The following HS6ST3 variants were observed in gnomAD, a reference collection of about 807,000 sequenced individuals.
HS6ST3 encodes heparan-sulfate 6-O-sulfotransferase 3.
A neutral mutation model predicts 36.7 loss-of-function variants in HS6ST3; 12 were observed. The ratio of observed to expected loss-of-function variants is 0.33; its 90% CI spans 0.21 to 0.53. The LOEUF is 0.53. HS6ST3 is among the 20% of genes least tolerant of loss of function. The pLI is 0.95. For missense variants in HS6ST3, 584 were observed against 640.9 expected, an observed-to-expected ratio of 0.91 and a Z score of 0.96; for synonymous variants, 240 against 257.5, an observed-to-expected ratio of 0.93 and a Z score of 0.65.
intron 1 of HS6ST3, among the ~76,000 whole-genome samples, chr13:96,828,028 G>A (rs556450197): frequency 2.0e-5 from 3 of 152,304 alleles, no homozygotes; most frequent in African/African-American, 7.2e-5. Flanking sequence ...CCCAGAAGCT[G>A]TGTCAGTCAC....
At chr13:96,634,854 C>G (rs947481012) in intron 1 of HS6ST3, among the ~76,000 whole-genome samples, 4 of 152,114 alleles carry the variant, frequency 2.6e-5, no homozygotes. Context: ...TCATCTACTC[C>G]CAAGGATTGT....
At chr13:96,361,215 A>G (rs539332140) in intron 1 of HS6ST3, among the ~76,000 whole-genome samples, 27 of 152,288 alleles carry the variant, frequency 1.8e-4, no homozygotes, top group African/African-American at 5.8e-4. Flanking sequence ...CCATATTGCA[A>G]ATGAAGTCCA....
At chr13:96,142,779 A>G (rs1232869849) in intron 1 of HS6ST3, among the ~76,000 whole-genome samples, 3 of 152,124 alleles carry the variant, frequency 2.0e-5, no homozygotes, top group Non-Finnish European at 2.9e-5. Context: ...TAAATATTTT[A>G]TCCTTCTCGT....
chr13:96,445,142 T>A (rs1424711091), intron 1 of HS6ST3, among the ~76,000 whole-genome samples: 1 of 152,192 alleles, frequency 6.6e-6, no homozygotes, highest in Non-Finnish European at 1.5e-5. Flanking sequence ...AAGAAATAGG[T>A]AAAAATAATA....
At chr13:96,135,312 A>C (rs960064038) in intron 1 of HS6ST3, among the ~76,000 whole-genome samples, 1 of 152,172 alleles carries the variant, frequency 6.6e-6, no homozygotes, top group East Asian at 1.9e-4. Context: ...AAGAAAATAC[A>C]AACTTGGACA....
chr13:96,250,509 C>T (rs1027338416), intron 1 of HS6ST3, among the ~76,000 whole-genome samples: 1 of 152,112 alleles, frequency 6.6e-6, no homozygotes, highest in African/African-American at 2.4e-5. Flanking sequence ...GGAGTGATGC[C>T]AAGCAATGCT....
chr13:96,522,265 T>C (rs145296622), intron 1 of HS6ST3, among the ~76,000 whole-genome samples: 2,913 of 152,316 alleles, frequency 0.019, 42 homozygotes, highest in Non-Finnish European at 0.03. Context: ...GTGTTTTACT[T>C]CCAATTATGT....
intron 1 of HS6ST3, among the ~76,000 whole-genome samples, chr13:96,200,465 C>T (rs779429179): frequency 6.6e-6 from 1 of 152,106 alleles, no homozygotes; most frequent in East Asian, 1.9e-4. Flanking sequence ...CCCTTAAGTC[C>T]TCTTTGTGCT....
chr13:96,672,314 T>C (rs1338861402), intron 1 of HS6ST3, among the ~76,000 whole-genome samples: 2 of 152,210 alleles, frequency 1.3e-5, no homozygotes, highest in African/African-American at 4.8e-5. Flanking sequence ...TTTTATTGTA[T>C]GTACAGCTTA....
chr13:96,487,093 A>G (rs1288289158), intron 1 of HS6ST3, among the ~76,000 whole-genome samples: 1 of 152,122 alleles, frequency 6.6e-6, no homozygotes, highest in Non-Finnish European at 1.5e-5. Context: ...TATTTGGCTG[A>G]TCATCTCTTG....
chr13:96,543,809 A>T (rs958314830), intron 1 of HS6ST3, among the ~76,000 whole-genome samples: 1 of 152,174 alleles, frequency 6.6e-6, no homozygotes, highest in Non-Finnish European at 1.5e-5. Flanking sequence ...GAAGGATGAC[A>T]AATATGTTTT....
At chr13:96,556,355 T>C (rs2056240706) in intron 1 of HS6ST3, among the ~76,000 whole-genome samples, 1 of 152,220 alleles carries the variant, frequency 6.6e-6, no homozygotes, top group African/African-American at 2.4e-5. Context: ...ATTTAGGTTT[T>C]AGTGCTAGTT....
intron 1 of HS6ST3, among the ~76,000 whole-genome samples, chr13:96,595,705 T>C (rs2056399106): frequency 6.6e-6 from 1 of 152,112 alleles, no homozygotes; most frequent in Non-Finnish European, 1.5e-5. Flanking sequence ...CATGAATCCT[T>C]TCTTCATTCC....
intron 1 of HS6ST3, among the ~76,000 whole-genome samples, chr13:96,830,177 C>T (rs757800397): frequency 5.3e-5 from 8 of 151,926 alleles, no homozygotes; most frequent in Non-Finnish European, 1.0e-4. Context: ...ATTCCAAGCA[C>T]GTTTAAGTTT....
intron 1 of HS6ST3, among the ~76,000 whole-genome samples, chr13:96,417,633 T>C (rs2055540561): frequency 6.9e-6 from 1 of 144,356 alleles, no homozygotes; most frequent in African/African-American, 2.6e-5. Flanking sequence ...TACATATATA[T>C]ACACACAGAT....
chr13:96,668,887 AAAT>A (rs2056674142), intron 1 of HS6ST3, among the ~76,000 whole-genome samples: 1 of 151,784 alleles, frequency 6.6e-6, no homozygotes, highest in Non-Finnish European at 1.5e-5. Context: ...GAGAGCTATA[AAAT>A]ATGGATACCA....
intron 1 of HS6ST3, among the ~76,000 whole-genome samples, chr13:96,092,422 C>T (rs920839346): frequency 2.6e-5 from 4 of 152,278 alleles, no homozygotes; most frequent in African/African-American, 9.6e-5. Context: ...AGTTAAAAAT[C>T]TTAATAGCCA....
At chr13:96,390,265 A>T (rs2055389080) in intron 1 of HS6ST3, among the ~76,000 whole-genome samples, 1 of 152,202 alleles carries the variant, frequency 6.6e-6, no homozygotes, top group Non-Finnish European at 1.5e-5. Context: ...AACGTTAAAG[A>T]TATTAGATTG....
At chr13:96,379,027 T>C (rs1408094042) in intron 1 of HS6ST3, among the ~76,000 whole-genome samples, 3 of 152,168 alleles carry the variant, frequency 2.0e-5, no homozygotes, top group Non-Finnish European at 4.4e-5. Context: ...TTGATTTAGC[T>C]TGTGCATATC....
Sources: allele counts gnomAD v4.1 joint callset (sites outside exome capture counted in the v4.1 genomes callset), GRCh38; gene constraint gnomAD v4.1.1; transcripts MANE v1.5; gene names NCBI Gene and HGNC (gene_info 2026-07-23, HGNC 2026-07-21).